BBS12: variants seen among roughly 807,000 people sequenced by gnomAD.
BBS12 encodes the protein chaperonin-containing T-complex member BBS12.
BBS12 carries 5 observed loss-of-function variants against 5.6 expected under a neutral mutation model. That is an observed-to-expected ratio of 0.89 (90% CI 0.46 to 1.86). BBS12 has a LOEUF of 1.86. BBS12 is among the 40% of genes most tolerant of loss of function. The pLI, the probability that BBS12 is intolerant of heterozygous loss-of-function variation, is 0.01. For missense variants in BBS12, 748 were observed against 830.4 expected, an observed-to-expected ratio of 0.90 and a Z score of 1.22; for synonymous variants, 308 against 306.8, an observed-to-expected ratio of 1.00 and a Z score of -0.04.
the BBS12 span, among the ~76,000 whole-genome samples, chr4:122,725,443 A>G: frequency 6.6e-6 from 1 of 152,200 alleles, no homozygotes; most frequent in Non-Finnish European, 1.5e-5. Context: ...ATAATAGAGA[A>G]CGCAGAAATA....
intron 1 of BBS12, among the ~76,000 whole-genome samples, chr4:122,737,601 G>A (rs1800801927): frequency 6.6e-6 from 1 of 152,164 alleles, no homozygotes; most frequent in African/African-American, 2.4e-5. Flanking sequence ...ATCTTTTCAA[G>A]CTTGTCCTTT....
At chr4:122,732,387 G>A (rs1274636938), upstream of BBS12, 1 of 152,256 alleles carries the variant, frequency 6.6e-6, no homozygotes, top group Non-Finnish European at 1.5e-5. Context: ...TTCGGCCCCG[G>A]CCCCAGCAGA....
At chr4:122,712,262 T>C in the BBS12 span, among the ~76,000 whole-genome samples, 13 of 152,320 alleles carry the variant, frequency 8.5e-5, no homozygotes, top group Non-Finnish European at 1.2e-4. Context: ...TATACACATA[T>C]CCTATTGGTT....
chr4:122,716,408 C>A, the BBS12 span, among the ~76,000 whole-genome samples: 1 of 151,856 alleles, frequency 6.6e-6, no homozygotes, highest in African/African-American at 2.4e-5. Context: ...TGGTGAGTCT[C>A]TTTTTAAGTC....
At chr4:122,708,023 T>C in the BBS12 span, among the ~76,000 whole-genome samples, 1 of 151,228 alleles carries the variant, frequency 6.6e-6, no homozygotes, top group Admixed American at 6.6e-5. Context: ...TTCCTTTTTT[T>C]TTTTTGTTTA....
At chr4:122,738,627 G>A (rs1800821188) in intron 1 of BBS12, among the ~76,000 whole-genome samples, 1 of 152,198 alleles carries the variant, frequency 6.6e-6, no homozygotes, top group South Asian at 2.1e-4. Flanking sequence ...TAAGGATCTA[G>A]TGTCCAGAAT....
At chr4:122,737,420 T>G (rs1800798927) in intron 1 of BBS12, among the ~76,000 whole-genome samples, 1 of 152,266 alleles carries the variant, frequency 6.6e-6, no homozygotes, top group African/African-American at 2.4e-5. Flanking sequence ...TGTGAAATTT[T>G]GTATATGTTA....
chr4:122,715,781 A>G, the BBS12 span, among the ~76,000 whole-genome samples: 19 of 152,270 alleles, frequency 1.2e-4, no homozygotes, highest in African/African-American at 4.1e-4. Flanking sequence ...CAGTGCACCT[A>G]TTTTTTCCAT....
At chr4:122,729,270 G>C (rs1484018709), upstream of BBS12, 2 of 152,308 alleles carry the variant, frequency 1.3e-5, no homozygotes, top group Admixed American at 6.5e-5. Flanking sequence ...GGGGTGGTAA[G>C]TTCAGCACAG....
chr4:122,713,164 G>T, the BBS12 span, among the ~76,000 whole-genome samples: 1 of 152,028 alleles, frequency 6.6e-6, no homozygotes, highest in Non-Finnish European at 1.5e-5. Flanking sequence ...TATATATGTG[G>T]CTATCATTAG....
At chr4:122,720,669 G>A in the BBS12 span, among the ~76,000 whole-genome samples, 1 of 151,988 alleles carries the variant, frequency 6.6e-6, no homozygotes, top group African/African-American at 2.4e-5. Context: ...TAACACAATT[G>A]GAATCTTAGA....
the BBS12 span, among the ~76,000 whole-genome samples, chr4:122,715,733 A>G: frequency 6.6e-6 from 1 of 152,210 alleles, no homozygotes; most frequent in East Asian, 1.9e-4. Flanking sequence ...AGAAACCTAC[A>G]CATTTCCAAT....
Position 122,741,877 on chromosome 4 carries a change from T to C in BBS12, c.-10-6T>C. On this transcript the variant is annotated splice_polypyrimidine_tract_variant and splice_region_variant and intron_variant, in intron 1 of 1. Transcript: ENST00000314218. Reference sequence around the variant, plus strand: ...ATAAAGTTACAAGTTTTTATTTTGTTTGCAGATCATGATACATGGTGATGG... The same window carrying C: ...ATAAAGTTACAAGTTTTTATTTTGTCTGCAGATCATGATACATGGTGATGG... 1 of 1,610,830 alleles carries C rather than the reference T, an allele frequency of 6.2e-7. No homozygotes were observed. The highest frequency in any genetic ancestry group is 1.1e-5 in the South Asian group (1 of 90,920).
Position 122,742,154 on chromosome 4 carries a change from C to G in BBS12, c.262C>G (p.Leu88Val), listed in dbSNP as rs201693990. Residue 88 changes from leucine (L) to valine (V), a missense_variant, in exon 2 of 2, where the codon CTT becomes GTT. By Grantham distance (32) the Leu-to-Val change is conservative. Coordinates refer to ENST00000314218, the MANE Select transcript of BBS12 (RefSeq NM_152618.3). ...CACATATAGAACTGGAATCAGTACT[C>G]TTTTGTTTCTTGTTGGTGCTTGGAG... ...NNTYRTGIST[L>V]LFLVGAWSSA... 1.2e-6 allele frequency: 2 copies of G among 1,613,970 alleles called. No homozygotes were observed. The highest frequency in any genetic ancestry group is 2.7e-5 in the African/African-American group (2 of 75,022).
At chr4:122,741,455 G>T (rs554477124) in intron 1 of BBS12, among the ~76,000 whole-genome samples, 105 of 152,308 alleles carry the variant, frequency 6.9e-4, no homozygotes, top group Non-Finnish European at 1.2e-3. Context: ...AAAGTGCTGG[G>T]ATTATAGGCA....
intron 1 of BBS12, 85 bp from the exon 2 acceptor site, chr4:122,741,798 G>C: frequency 8.9e-7 from 1 of 1,123,144 alleles, no homozygotes; most frequent in Non-Finnish European, 1.3e-6. Context: ...CAAAAGCAGG[G>C]AGCATATCTT....
the BBS12 span, among the ~76,000 whole-genome samples, chr4:122,703,506 C>T: frequency 6.6e-6 from 1 of 152,184 alleles, no homozygotes; most frequent in Non-Finnish European, 1.5e-5. Context: ...GGTGCCACTG[C>T]ACTCCAGCCT....
intron 1 of BBS12, among the ~76,000 whole-genome samples, chr4:122,741,486 C>G (rs1006115338): frequency 1.3e-5 from 2 of 152,148 alleles, no homozygotes; most frequent in African/African-American, 4.8e-5. Flanking sequence ...CGCCCAGCCG[C>G]TCCACTACAT....
the BBS12 span, among the ~76,000 whole-genome samples, chr4:122,705,936 G>C: frequency 6.6e-6 from 1 of 152,204 alleles, no homozygotes; most frequent in Non-Finnish European, 1.5e-5. Flanking sequence ...GATATCAGTA[G>C]TCAGTTGGGA....
Sources: allele counts gnomAD v4.1 joint callset (sites outside exome capture counted in the v4.1 genomes callset), GRCh38; gene constraint gnomAD v4.1.1; transcripts MANE v1.5; gene names NCBI Gene and HGNC (gene_info 2026-07-23, HGNC 2026-07-21).